The following BAG6 variants were observed in gnomAD, a reference collection of about 807,000 sequenced individuals.
The protein encoded by BAG6 is BAG cochaperone 6.
BAG6 carries 22 observed loss-of-function variants against 121.0 expected under a neutral mutation model. The observed-to-expected ratio is 0.18, with a 90% CI of 0.13 to 0.26. The LOEUF (loss-of-function observed/expected upper bound fraction) is 0.26. BAG6 is among the 10% of genes least tolerant of loss of function. The pLI is 1.00. For synonymous variants in BAG6, 583 were observed against 584.6 expected, an observed-to-expected ratio of 1.00 and a Z score of 0.04; for missense variants, 1,233 against 1,537.7, an observed-to-expected ratio of 0.80 and a Z score of 3.31.
intron 25 of BAG6, 111 bp downstream of exon 25, chr6:31,639,389 A>G: frequency 6.6e-7 from 1 of 1,522,604 alleles, no homozygotes. Context: ...CAAAGGGGAA[A>G]ACAAATGGTA....
At chr6:31,652,353 A>ACACC (rs1027683005) in intron 1 of BAG6, 71 bp downstream of exon 1, 1 of 132,842 alleles carries the variant, frequency 7.5e-6, no homozygotes, top group East Asian at 2.1e-4. Flanking sequence ...ACACACACAC[A>ACACC]CACACACCCA....
Position 31,644,735 on chromosome 6 carries a change from G to A in BAG6, c.1370-133C>T. 8.0e-7 allele frequency: 1 copy of A among 1,254,192 alleles called. No individual in the cohort carries two copies. Among genetic ancestry groups the A allele is most frequent in the African/African-American group, 1.5e-5 (1 of 67,856 alleles). 77.7% of individuals were successfully genotyped at this position (1,254,192 alleles called of 1,614,324 possible). ...GCCTGCCTTTCCCTCCATCTAAACA[G>A]GGAGAGGTACTCCCTTCACCACACA... On this transcript the variant is annotated intron_variant, in intron 10 of 25. Coordinates refer to ENST00000676615, the MANE Select transcript of BAG6 (RefSeq NM_001387994.1). The surrounding 1 kb of genome is among the most constrained non-coding windows in gnomAD (Gnocchi z 4.9).
In BAG6 at chr6:31,642,327, G is replaced by C; in HGVS notation, c.2120C>G (p.Pro707Arg). 3 of 1,554,360 alleles carry C rather than the reference G, an allele frequency of 1.9e-6. No individual in the cohort carries two copies. Among genetic ancestry groups the C allele is most frequent in the Non-Finnish European group, 2.6e-6 (3 of 1,150,582 alleles). ...PPAPEQQTMP[P>R]PGSPSGGAGS... is the part of the protein sequence containing the mutation. ...TGCGCCACCAGAAGGGGAGCCTGGT[G>C]GGGGCATGGTCTGCTGCTCTGGGGC... Residue 707 changes from proline (P) to arginine (R), a missense_variant, in exon 16 of 26, where the codon CCA (proline) becomes CGA (arginine). Pro to Arg is a moderately radical substitution (Grantham distance 103, BLOSUM62 -2). Transcript: ENST00000676615.
chr6:31,644,033 A>C lies in BAG6; in HGVS notation c.1668+49T>G. 1 of 1,612,904 alleles carries C rather than the reference A, an allele frequency of 6.2e-7. No individual in the cohort carries two copies. The highest frequency in any genetic ancestry group is 8.5e-7 in the Non-Finnish European group (1 of 1,179,092). ...CTGCCCTTCCATGCACCACCACAGG[A>C]GTCTCTCCCTAGACTGTTACGCACT... On this transcript the variant is annotated intron_variant, in intron 13 of 25. Coordinates refer to ENST00000676615, the MANE Select transcript of BAG6 (RefSeq NM_001387994.1). The surrounding 1 kb of genome is among the most constrained non-coding windows in gnomAD (Gnocchi z 4.9).
chr6:31,651,510 G>C, intron 2 of BAG6, 146 bp downstream of exon 2: 2 of 692,710 alleles, frequency 2.9e-6, no homozygotes, highest in South Asian at 3.7e-5. Context: ...CTGCACTCCA[G>C]CCTGGAAGAC....
chr6:31,643,163 G>A (rs1346929006), intron 14 of BAG6, 48 bp from the exon 15 acceptor site: 2 of 1,510,550 alleles, frequency 1.3e-6, no homozygotes, highest in Non-Finnish European at 1.8e-6. Flanking sequence ...GGTGGCTCTT[G>A]GCTGTAATCC....
chr6:31,641,093 G>A lies in BAG6; in HGVS notation c.2787+11C>T, dbSNP rs141329328. 28 of 1,612,956 alleles carry A rather than the reference G, an allele frequency of 1.7e-5. No homozygotes were observed. In the African/African-American group the frequency reaches 2.9e-4, roughly 17 times the overall value. ...CAAAAGGCTAAGGATCTGGGGCTAG[G>A]TGGTGCTTACAATTCGGCCATTGAT... On this transcript the variant is annotated intron_variant, in intron 20 of 25. Coordinates refer to ENST00000676615, the MANE Select transcript of BAG6 (RefSeq NM_001387994.1). This position sits in a 1 kb window ranked among gnomAD's most constrained non-coding sequence, Gnocchi z 5.7.
Position 31,642,994 on chromosome 6 carries a change from G to A in BAG6, c.1878C>T (p.Pro626=), listed in dbSNP as rs1293139041. 6.3e-7 allele frequency: 1 copy of A among 1,596,358 alleles called. No individual in the cohort carries two copies. The highest frequency in any genetic ancestry group is 1.3e-5 in the African/African-American group (1 of 74,830). The change falls in exon 15 of 26, where the codon CCC becomes CCT. Residue 626 remains proline, a synonymous_variant. Coordinates refer to ENST00000676615, the MANE Select transcript of BAG6 (RefSeq NM_001387994.1). ...PAPGGPAQPP[P]TPQPSMADLQ... ...GATCAGCCATGGAGGGTTGAGGGGT[G>A]GGTGGAGGCTGGGCAGGCCCCCCAG...
At chr6:31,639,303 C>T in intron 25 of BAG6, 77 bp from the exon 26 acceptor site, 3 of 1,485,056 alleles carry the variant, frequency 2.0e-6, no homozygotes, top group South Asian at 1.2e-5. Context: ...AAGGCCATCC[C>T]TCAGAAGCTA....
chr6:31,640,389 G>A lies in BAG6; in HGVS notation c.3134C>T (p.Pro1045Leu). The A allele has an allele frequency of 6.2e-7, 1 of 1,614,198 alleles. No homozygotes were observed. The highest frequency in any genetic ancestry group is 8.5e-7 in the Non-Finnish European group (1 of 1,180,038). ...AETEPWAAAV[P>L]PEWVPIIQQD... ...GGATTACTTCCTGACACTTACTGGG[G>A]GGACTGCAGCTGCCCAAGGTTCTGT... Residue 1045 changes from proline (P) to leucine (L), a missense_variant, in exon 23 of 26, where the codon CCC (proline) becomes CTC (leucine). Pro to Leu is a moderately conservative substitution (Grantham distance 98). Around this residue, in one of 7 missense-constraint regions of BAG6, gnomAD observed 288 missense variants for 483.1 expected, o/e 0.60. Transcript: ENST00000676615. The surrounding 1 kb of genome is among the most constrained non-coding windows in gnomAD (Gnocchi z 4.2).
intron 24 of BAG6, 75 bp from the exon 25 acceptor site, chr6:31,639,721 A>G: frequency 1.3e-6 from 2 of 1,508,554 alleles, no homozygotes; most frequent in Non-Finnish European, 1.8e-6. Context: ...CACCCTTTCC[A>G]TGAGTCAACC....
intron 8 of BAG6, among the ~76,000 whole-genome samples, chr6:31,646,155 T>G (rs1561929082): frequency 6.6e-6 from 1 of 152,098 alleles, no homozygotes; most frequent in Non-Finnish European, 1.5e-5. Context: ...CCAGCTAATG[T>G]TTATATTTTC....
intron 1 of BAG6, 65 bp downstream of exon 1, chr6:31,652,352 CACACACA>C (rs1798183408): frequency 2.0e-5 from 3 of 152,944 alleles, no homozygotes; most frequent in African/African-American, 4.9e-5. Flanking sequence ...CACACACACA[CACACACA>C]CCCACCACCC....
At chr6:31,639,771 TA>T (rs1465965409) in intron 24 of BAG6, 125 bp from the exon 25 acceptor site, 1 of 1,201,184 alleles carries the variant, frequency 8.3e-7, no homozygotes, top group Non-Finnish European at 1.1e-6. Context: ...GAGGGGAAAT[TA>T]AGAGTCCAGG....
intron 24 of BAG6, 126 bp from the exon 25 acceptor site, chr6:31,639,772 AAG>A: frequency 8.4e-7 from 1 of 1,195,214 alleles, no homozygotes; most frequent in Non-Finnish European, 1.1e-6. Flanking sequence ...AGGGGAAATT[AAG>A]AGTCCAGGAT....
chr6:31,651,599 A>AG (rs2151064721), intron 2 of BAG6, 57 bp downstream of exon 2: 2 of 1,467,472 alleles, frequency 1.4e-6, no homozygotes, highest in African/African-American at 1.4e-5. Flanking sequence ...TCTCAGGCTA[A>AG]GGGGCCTAAA....
In BAG6 at chr6:31,639,663, T is replaced by C; in HGVS notation, c.3247-17A>G. 6.3e-7 allele frequency: 1 copy of C among 1,595,954 alleles called. No homozygotes were observed. The highest frequency in any genetic ancestry group is 1.7e-5 in the Admixed American group (1 of 57,562). Reference sequence around the variant, plus strand: ...CTGCATCGTCTGGGGGACAGGGGGTTGGGAGGGAAAAGAGGATCAACGTCA... The same window carrying C: ...CTGCATCGTCTGGGGGACAGGGGGTCGGGAGGGAAAAGAGGATCAACGTCA... On this transcript the variant is annotated splice_polypyrimidine_tract_variant and intron_variant, in intron 24 of 25. Coordinates refer to ENST00000676615, the MANE Select transcript of BAG6 (RefSeq NM_001387994.1).
intron 8 of BAG6, 110 bp downstream of exon 8, chr6:31,646,284 C>A: frequency 6.8e-7 from 1 of 1,477,648 alleles, no homozygotes; most frequent in Non-Finnish European, 9.1e-7. Flanking sequence ...CTGCACCTGG[C>A]CCTGTTGCAA....
Position 31,647,728 on chromosome 6 carries a change from T to C in BAG6, c.651A>G (p.Pro217=). 1 of 1,604,322 alleles carries C rather than the reference T, an allele frequency of 6.2e-7. No homozygotes were observed. The highest frequency in any genetic ancestry group is 1.1e-5 in the South Asian group (1 of 89,690). ...PVALSSQTSE[P]VESEAPPREP... is the part of the protein sequence containing the mutation. ...CCCGGGGAGGTGCTTCACTTTCAAC[T>C]GGTTCTGATGTTTGAGAGCTCAAGG... Residue 217 remains proline, a synonymous_variant, in exon 7 of 26, where the codon CCA becomes CCG. Transcript: ENST00000676615.
Sources: gnomAD v4.1 joint callset for allele counts (sites outside exome capture counted in the v4.1 genomes callset) on GRCh38, gnomAD v4.1.1 for gene constraint, gnomAD v4.1.1 regional missense constraint, Gnocchi (gnomAD v3.1) non-coding constraint, MANE v1.5 for transcripts, NCBI Gene and HGNC (gene_info 2026-07-23, HGNC 2026-07-21) for gene names.